Variants in PGM3 observed in about 807,000 individuals in gnomAD.
PGM3 encodes the protein phosphoacetylglucosamine mutase.
PGM3 carries 40 observed loss-of-function variants against 66.2 expected under a neutral mutation model. That is an observed-to-expected ratio of 0.60 (90% CI 0.47 to 0.79). The LOEUF is 0.79. Ranked by LOEUF, PGM3 falls within the 30% of genes least tolerant of loss-of-function variation. The pLI, the probability that PGM3 is intolerant of heterozygous loss-of-function variation, is 0.00. For synonymous variants in PGM3, 191 were observed against 224.2 expected (o/e 0.85, Z 1.32); for missense variants, 537 against 643.4 (o/e 0.83, Z 1.79).
upstream of PGM3, chr6:83,193,519 A>C (rs897549097): frequency 6.6e-6 from 1 of 152,024 alleles, no homozygotes; most frequent in African/African-American, 2.4e-5. Context: ...GCGGAGGCAC[A>C]GCCTCCGCCT....
chr6:83,169,614 A>G (rs1412481145), intron 12 of PGM3: 2 of 454,056 alleles, frequency 4.4e-6, no homozygotes, highest in African/African-American at 4.0e-5. Flanking sequence ...TTAATCCACA[A>G]TTGGCCTAAC....
At chr6:83,189,188 T>C (rs1788849977) in intron 2 of PGM3, among the ~76,000 whole-genome samples, 1 of 152,122 alleles carries the variant, frequency 6.6e-6, no homozygotes, top group African/African-American at 2.4e-5. Flanking sequence ...GATCTGTGCA[T>C]CCACTATCCA....
At chr6:83,162,898 ACTT>A (rs771276331), downstream of PGM3, 5 of 1,612,750 alleles carry the variant, frequency 3.1e-6, 1 homozygote, top group Non-Finnish European at 2.5e-6. Flanking sequence ...GACTAGCAAA[ACTT>A]CTTCGGAAAA....
chr6:83,162,181 G>T (rs1419247782), downstream of PGM3, among the ~76,000 whole-genome samples: 2 of 152,092 alleles, frequency 1.3e-5, no homozygotes, highest in African/African-American at 4.8e-5. Context: ...ATCCTATGCG[G>T]GGAGGGGAGA....
At chr6:83,156,171 C>G (rs1010565409), downstream of PGM3, 5 of 1,297,742 alleles carry the variant, frequency 3.9e-6, 1 homozygote, top group South Asian at 5.7e-5. Flanking sequence ...AAATACTTCT[C>G]TAAATACTAA....
Position 83,169,262 on chromosome 6 carries a change from A to G in PGM3, c.1601T>C (p.Ile534Thr), listed in dbSNP as rs746702734. 24 of 1,613,982 alleles carry G rather than the reference A, an allele frequency of 1.5e-5. No individual in the cohort carries two copies. The East Asian group carries it at 3.1e-4, about 21-fold the overall frequency. The change falls in exon 13 of 13, where the codon ATT (isoleucine) becomes ACT (threonine). Residue 534 changes from isoleucine to threonine, a missense_variant. Coordinates refer to ENST00000513973, the MANE Select transcript of PGM3 (RefSeq NM_015599.3). ...SLAVFQLAGGIGERPQPGF is the reference protein window; with the variant it reads ...SLAVFQLAGGTGERPQPGF ...GAAACCTGGTTGGGGCCTTTCTCCA[A>G]TTCCTCCAGCCAGCTGAAATACTGC...
In PGM3 at chr6:83,165,716, C is replaced by T. The variant is rs1337238034; in HGVS notation, c.*3518G>A. 1.8e-5 allele frequency: 4 copies of T among 225,526 alleles called. No individual in the cohort carries two copies. Among genetic ancestry groups the T allele is most frequent in the South Asian group, 6.0e-5 (1 of 16,658 alleles). 14.0% of individuals were successfully genotyped at this position (225,526 alleles called of 1,614,324 possible). Reference sequence around the variant, plus strand: ...TTGGCAAGAGGTCAGGTGAATATGGCAGATGAGGCAAAACTTCATAGCCCA... The same window carrying T: ...TTGGCAAGAGGTCAGGTGAATATGGTAGATGAGGCAAAACTTCATAGCCCA... On this transcript the variant is annotated 3_prime_UTR_variant, in exon 13 of 13. Coordinates refer to ENST00000513973, the MANE Select transcript of PGM3 (RefSeq NM_015599.3).
At chr6:83,157,249 CAG>C (rs1352077676), downstream of PGM3, 2 of 1,613,946 alleles carry the variant, frequency 1.2e-6, no homozygotes, top group Non-Finnish European at 1.7e-6. Context: ...TCCTGTTTTT[CAG>C]AGTGTTACTT....
chr6:83,175,964 T>C lies in PGM3; in HGVS notation c.1126A>G (p.Thr376Ala). 1 of 1,584,128 alleles carries C rather than the reference T, an allele frequency of 6.3e-7. No individual in the cohort carries two copies. Among genetic ancestry groups the C allele is most frequent in the East Asian group, 2.2e-5 (1 of 44,760 alleles). ...CAACTATAATTAAGAGAACTTACAG[T>C]GCCATGCCCATTTGCTTCAAAATAA... ...GVYFEANGHG[T>A]ALFSTAVEMK... Residue 376 changes from threonine (T) to alanine (A), a missense_variant and splice_region_variant, in exon 9 of 13, where the codon ACT becomes GCT. Coordinates refer to ENST00000513973, the MANE Select transcript of PGM3 (RefSeq NM_015599.3).
chr6:83,152,144 G>T, the PGM3 span: 1 of 1,228,060 alleles, frequency 8.1e-7, no homozygotes. Context: ...TGTCTAACAA[G>T]TAACTTTTTT....
the PGM3 span, chr6:83,155,862 T>C: frequency 6.9e-7 from 1 of 1,451,900 alleles, no homozygotes; most frequent in Non-Finnish European, 9.2e-7. Context: ...CAGTTTTGGA[T>C]GTCATAGAGC....
At position 83,190,827 on chromosome 6, in the gene PGM3, T is replaced by A. The variant is rs1420200081; in HGVS notation, c.186A>T (p.Thr62=). Residue 62 remains threonine (T), a synonymous_variant, in exon 2 of 13, where the codon ACA becomes ACT. Coordinates refer to ENST00000513973, the MANE Select transcript of PGM3 (RefSeq NM_015599.3). ...CCATTACCTCAGGATTGTGGGACGC[T>A]GTTACCATGACTCCTATAGTGGATT... is the stretch of plus-strand genomic sequence containing the variant. ...QTKSTIGVMV[T]ASHNPEEDNG... is the part of the protein sequence containing the mutation. 4.3e-6 allele frequency: 7 copies of A among 1,613,840 alleles called. No individual in the cohort carries two copies. The highest frequency in any genetic ancestry group is 5.9e-6 in the Non-Finnish European group (7 of 1,179,728).
At chr6:83,170,095 A>C (rs1313690877) in intron 12 of PGM3, among the ~76,000 whole-genome samples, 1 of 152,224 alleles carries the variant, frequency 6.6e-6, no homozygotes, top group African/African-American at 2.4e-5. Flanking sequence ...TAAGTCAAAA[A>C]TATTTGGGGA....
At position 83,168,333 on chromosome 6, in the gene PGM3, G is replaced by C; in HGVS notation, c.*901C>G. 7.1e-7 allele frequency: 1 copy of C among 1,415,012 alleles called. No homozygotes were observed. Among genetic ancestry groups the C allele is most frequent in the Non-Finnish European group, 9.2e-7 (1 of 1,090,116 alleles). The allele number at this position is 1,415,012 out of a possible 1,614,324, so 87.7% of individuals were successfully genotyped here. The stretch of plus-strand genomic sequence containing the variant: ...AAGAGCAAATGTCTGAATGTGGCCT[G>C]AATCAAGTTTAAATATTGTTGGCTC... On this transcript the variant is annotated 3_prime_UTR_variant, in exon 13 of 13. Coordinates refer to ENST00000513973, the MANE Select transcript of PGM3 (RefSeq NM_015599.3).
At chr6:83,154,568 C>T in the PGM3 span, among the ~76,000 whole-genome samples, 3 of 152,158 alleles carry the variant, frequency 2.0e-5, no homozygotes, top group African/African-American at 7.2e-5. Flanking sequence ...ATAATAATAG[C>T]ACTCAATAAA....
chr6:83,148,856 A>T, the PGM3 span: 3 of 1,523,058 alleles, frequency 2.0e-6, no homozygotes, highest in South Asian at 4.0e-5. Flanking sequence ...GCAGTTTCTT[A>T]TACTTGGGTA....
rs1409448319 is a variant in PGM3 at position 83,179,812 on chromosome 6, C to G, written c.943G>C (p.Glu315Gln). Residue 315 changes from glutamate to glutamine, a missense_variant and splice_region_variant, in exon 7 of 13, where the codon GAG (glutamate) becomes CAG (glutamine). Glu to Gln is a conservative substitution (Grantham distance 29, BLOSUM62 2). Coordinates refer to ENST00000513973, the MANE Select transcript of PGM3 (RefSeq NM_015599.3). The part of the protein sequence containing the change: ...ISSFLKELLV[E>Q]IGESLNIGVV... ...GGTAGCCAATCCCCCCACCATACCT[C>G]CACCAGGAGCTCTTTAAGGAAACTG... 6.2e-7 allele frequency: 1 copy of G among 1,607,904 alleles called. No individual in the cohort carries two copies. Among genetic ancestry groups the G allele is most frequent in the Non-Finnish European group, 8.5e-7 (1 of 1,176,966 alleles).
the PGM3 span, chr6:83,148,810 G>A: frequency 1.9e-6 from 3 of 1,561,098 alleles, no homozygotes; most frequent in African/African-American, 2.8e-5. Context: ...TGATACTTCT[G>A]AAAGACTCTA....
At position 83,165,873 on chromosome 6, in the gene PGM3, G is replaced by T; in HGVS notation, c.*3361C>A. 2.6e-6 allele frequency: 1 copy of T among 378,610 alleles called. No individual in the cohort carries two copies. Among genetic ancestry groups the T allele is most frequent in the South Asian group, 2.1e-5 (1 of 46,686 alleles). The allele number at this position is 378,610 out of a possible 1,614,324, so 23.5% of individuals were successfully genotyped here. On this transcript the variant is annotated 3_prime_UTR_variant, in exon 13 of 13. Transcript: ENST00000513973. ...TTTTGGTGCATCTCATTGATTTGCT[G>T]AGCATACTTATCAGATGTAATGGTT...
Sources: allele counts gnomAD v4.1 joint callset (sites outside exome capture counted in the v4.1 genomes callset), GRCh38; gene constraint gnomAD v4.1.1; transcripts MANE v1.5; gene names NCBI Gene and HGNC (gene_info 2026-07-23, HGNC 2026-07-21).